The following ZNF532 variants were observed in gnomAD, a reference collection of about 807,000 sequenced individuals.
The protein encoded by ZNF532 is zinc finger protein 532.
A neutral mutation model predicts 89.3 loss-of-function variants in ZNF532; 22 were observed. The observed-to-expected ratio is 0.25, with a 90% CI of 0.18 to 0.35. ZNF532 has a LOEUF of 0.35. Ranked by LOEUF, ZNF532 falls within the 10% of genes least tolerant of loss-of-function variation. ZNF532 has a pLI of 1.00. For missense variants in ZNF532, 1,132 were observed against 1,643.4 expected (o/e 0.69, Z 5.38); for synonymous variants, 606 against 649.6 (o/e 0.93, Z 1.02).
intron 2 of ZNF532, among the ~76,000 whole-genome samples, chr18:58,912,106 C>T (rs2060319026): frequency 1.3e-5 from 2 of 152,106 alleles, no homozygotes; most frequent in African/African-American, 4.8e-5. Flanking sequence ...GGGCTGGCTT[C>T]ACTCCTCTAT....
intron 7 of ZNF532, among the ~76,000 whole-genome samples, chr18:58,959,260 G>GTTTTTTTTTTTTTT (rs1459830009): frequency 5.4e-5 from 7 of 128,688 alleles, no homozygotes; most frequent in African/African-American, 2.3e-4. Flanking sequence ...TTTGTTTTTT[G>GTTTTTTTTTTTTTT]TTTTTTTTTG....
chr18:58,923,033 G>C lies in ZNF532; in HGVS notation c.2346+2400G>C, dbSNP rs187214788. Among the ~76,000 whole-genome samples the C allele has an allele frequency of 2.0e-5, 3 of 152,208 alleles. No homozygotes were observed. The East Asian group carries it at 5.8e-4, about 29-fold the overall frequency. ...TGCTTTGGCATCACTTTTGTATCTT[G>C]CTGGGACGAGTACGCAGGTCACCCG... On this transcript the variant is annotated intron_variant, in intron 3 of 9. Coordinates refer to ENST00000591808, the MANE Select transcript of ZNF532 (RefSeq NM_001375912.1).
chr18:58,868,741 ATTTGTGTGAAACAGGTT>A lies in ZNF532; in HGVS notation c.-18+3173_-18+3189del, dbSNP rs2056705883. ...AATTGTGAGTAAAGTTGCTGTAAGC[ATTTGTGTGAAACAGGTT>A]TTTGTGTGAACATAAGTTTTTATTT... On this transcript the variant is annotated intron_variant, in intron 2 of 9. Coordinates refer to ENST00000591808, the MANE Select transcript of ZNF532 (RefSeq NM_001375912.1). 4.6e-5 allele frequency among the ~76,000 whole-genome samples: 7 copies of A among 152,202 alleles called. No homozygotes were observed. In the South Asian group the frequency reaches 1.4e-3, roughly 31 times the overall value.
intron 2 of ZNF532, among the ~76,000 whole-genome samples, chr18:58,908,896 G>T (rs1391433005): frequency 6.6e-6 from 1 of 152,204 alleles, no homozygotes; most frequent in Non-Finnish European, 1.5e-5. Flanking sequence ...CTTTGTGAAA[G>T]ACCTAATAAC....
intron 2 of ZNF532, among the ~76,000 whole-genome samples, chr18:58,906,008 C>T (rs975508768): frequency 1.3e-5 from 2 of 152,118 alleles, no homozygotes; most frequent in South Asian, 2.1e-4. Flanking sequence ...AAGAAGGTCT[C>T]GGAGGCAGTG....
chr18:58,882,795 A>G (rs1178759701), intron 2 of ZNF532, among the ~76,000 whole-genome samples: 5 of 152,218 alleles, frequency 3.3e-5, no homozygotes, highest in African/African-American at 9.7e-5. Flanking sequence ...TCCCAGAGAT[A>G]TCTCATCCTG....
chr18:58,905,937 C>T (rs1234491188), intron 2 of ZNF532, among the ~76,000 whole-genome samples: 1 of 152,002 alleles, frequency 6.6e-6, no homozygotes. Context: ...GTAGGAGGTC[C>T]CACCATTGGG....
chr18:58,877,437 G>C (rs191304435), intron 2 of ZNF532, among the ~76,000 whole-genome samples: 9 of 152,184 alleles, frequency 5.9e-5, no homozygotes, highest in Non-Finnish European at 8.8e-5. Flanking sequence ...TTACTTAGTG[G>C]GTTTATTTTA....
chr18:58,965,968 G>C (rs2065879260), intron 7 of ZNF532, among the ~76,000 whole-genome samples: 1 of 152,184 alleles, frequency 6.6e-6, no homozygotes, highest in Admixed American at 6.5e-5. Context: ...AGGCTCTCGA[G>C]GCAGAGAGCA....
intron 6 of ZNF532, among the ~76,000 whole-genome samples, chr18:58,948,461 A>G (rs985800697): frequency 2.4e-4 from 36 of 151,620 alleles, no homozygotes; most frequent in African/African-American, 8.7e-4. Context: ...AAAGGAACCA[A>G]TGTCTGCCCT....
At chr18:58,954,548 C>T (rs968252309) in intron 7 of ZNF532, among the ~76,000 whole-genome samples, 1 of 151,832 alleles carries the variant, frequency 6.6e-6, no homozygotes, top group East Asian at 1.9e-4. Context: ...CTTTATTTTA[C>T]GTAGTCCTCC....
At chr18:58,891,002 C>T (rs1001982733) in intron 2 of ZNF532, among the ~76,000 whole-genome samples, 4 of 151,882 alleles carry the variant, frequency 2.6e-5, no homozygotes, top group Non-Finnish European at 4.4e-5. Flanking sequence ...GCCACCGTAT[C>T]GGGCTAACTG....
At chr18:58,942,339 C>T (rs1284926326) in intron 5 of ZNF532, among the ~76,000 whole-genome samples, 1 of 87,774 alleles carries the variant, frequency 1.1e-5, no homozygotes, top group Non-Finnish European at 2.2e-5. Flanking sequence ...CCCTCCCTCC[C>T]TCCCTCCCTC....
At chr18:58,921,886 G>T (rs1056101795) in intron 3 of ZNF532, among the ~76,000 whole-genome samples, 1 of 152,100 alleles carries the variant, frequency 6.6e-6, no homozygotes, top group Non-Finnish European at 1.5e-5. Context: ...CAGGTGAATT[G>T]CCTGAGCTCA....
intron 7 of ZNF532, among the ~76,000 whole-genome samples, chr18:58,957,885 C>G (rs8086043): frequency 6.6e-6 from 1 of 151,932 alleles, no homozygotes; most frequent in Admixed American, 6.6e-5. Flanking sequence ...GCCAACATGA[C>G]GAAACCCCAT....
chr18:58,980,408 A>G (rs2067615282), intron 8 of ZNF532: 1 of 152,240 alleles, frequency 6.6e-6, no homozygotes, highest in Admixed American at 6.5e-5. Flanking sequence ...CTTACGGCCA[A>G]CAAAAAATTC....
At chr18:58,973,028 A>C (rs2047271253) in intron 7 of ZNF532, among the ~76,000 whole-genome samples, 1 of 152,122 alleles carries the variant, frequency 6.6e-6, no homozygotes, top group South Asian at 2.1e-4. Flanking sequence ...AAAACAACAA[A>C]ACTTTGATTG....
chr18:58,934,320 C>A, intron 3 of ZNF532, 113 bp from the exon 4 acceptor site: 1 of 977,720 alleles, frequency 1.0e-6, no homozygotes, highest in Non-Finnish European at 1.5e-6. Flanking sequence ...GAATCAATTA[C>A]TGTAGTGTTT....
At chr18:58,878,400 A>T (rs146613508) in intron 2 of ZNF532, among the ~76,000 whole-genome samples, 1 of 152,390 alleles carries the variant, frequency 6.6e-6, no homozygotes, top group East Asian at 1.9e-4. Flanking sequence ...GGCCATGCAC[A>T]AGTGCATGAT....
Sources: gnomAD v4.1 joint callset for allele counts (sites outside exome capture counted in the v4.1 genomes callset) on GRCh38, gnomAD v4.1.1 for gene constraint, MANE v1.5 for transcripts, NCBI Gene and HGNC (gene_info 2026-07-23, HGNC 2026-07-21) for gene names.